SEMA6D: variants seen among roughly 807,000 people sequenced by gnomAD.
SEMA6D encodes the protein semaphorin-6D.
Under a neutral mutation model 106.6 loss-of-function variants are expected in SEMA6D, and 35 were observed. The observed-to-expected ratio is 0.33, with a 90% CI of 0.25 to 0.44. The LOEUF is 0.44. SEMA6D is among the 20% of genes least tolerant of loss of function. The pLI is 1.00. For missense variants in SEMA6D, 1,185 were observed against 1,345.9 expected, an observed-to-expected ratio of 0.88 and a Z score of 1.87; for synonymous variants, 499 against 487.7, an observed-to-expected ratio of 1.02 and a Z score of -0.31.
chr15:47,715,590 A>G (rs1384625658), upstream of SEMA6D, among the ~76,000 whole-genome samples: 1 of 152,182 alleles, frequency 6.6e-6, no homozygotes, highest in Non-Finnish European at 1.5e-5. Flanking sequence ...CTTCACTGAT[A>G]ATGTAGACTG....
chr15:47,592,918 A>G (rs975649494), intron 3 of SEMA6D, among the ~76,000 whole-genome samples: 2 of 152,208 alleles, frequency 1.3e-5, no homozygotes, highest in African/African-American at 4.8e-5. Context: ...CATAATGAAC[A>G]TAACCTTCGA....
chr15:47,353,166 G>C (rs751927425), intron 1 of SEMA6D, among the ~76,000 whole-genome samples: 1 of 151,956 alleles, frequency 6.6e-6, no homozygotes, highest in Non-Finnish European at 1.5e-5. Context: ...TACCCCAAGG[G>C]CCTCACAAAA....
intron 1 of SEMA6D, among the ~76,000 whole-genome samples, chr15:47,298,989 A>G (rs1419452980): frequency 1.3e-5 from 2 of 152,212 alleles, no homozygotes; most frequent in Admixed American, 1.3e-4. Flanking sequence ...AAAACTGAGT[A>G]TCAGTAAGAC....
At chr15:47,591,818 G>C (rs775730835) in intron 3 of SEMA6D, among the ~76,000 whole-genome samples, 19 of 152,174 alleles carry the variant, frequency 1.2e-4, no homozygotes, top group Non-Finnish European at 2.5e-4. Flanking sequence ...GGCATCTAGT[G>C]TCTCTGTGTC....
intron 1 of SEMA6D, among the ~76,000 whole-genome samples, chr15:47,198,107 T>G (rs905372737): frequency 6.6e-6 from 1 of 152,134 alleles, no homozygotes; most frequent in East Asian, 1.9e-4. Context: ...ATATACCTCA[T>G]GATCTCACTC....
chr15:47,590,620 G>A (rs999216227), intron 3 of SEMA6D, among the ~76,000 whole-genome samples: 2 of 152,046 alleles, frequency 1.3e-5, no homozygotes, highest in Non-Finnish European at 2.9e-5. Flanking sequence ...TCATAATGGA[G>A]TATGATGGGC....
At chr15:47,255,390 ACT>A (rs1288184115) in intron 1 of SEMA6D, among the ~76,000 whole-genome samples, 1 of 140,800 alleles carries the variant, frequency 7.1e-6, no homozygotes, top group Non-Finnish European at 1.6e-5. Context: ...TAAAAGAAAA[ACT>A]CTGTTTCATT....
At position 47,696,024 on chromosome 15, in the gene SEMA6D, T is replaced by G. The variant is rs943527620; in HGVS notation, c.-54-63721T>G. On this transcript the variant is annotated intron_variant, in intron 4 of 19. Transcript: ENST00000558014. ...GATGTGCATGTATGTTTATGCCGTT[T>G]AATTCTCTCCTTTATCTACTAGGAA... 3.9e-5 allele frequency among the ~76,000 whole-genome samples: 6 copies of G among 152,212 alleles called. No homozygotes were observed. The South Asian group carries it at 1.2e-3, about 32-fold the overall frequency.
chr15:47,489,432 T>A (rs2043397339), intron 3 of SEMA6D, among the ~76,000 whole-genome samples: 1 of 152,218 alleles, frequency 6.6e-6, no homozygotes, highest in Non-Finnish European at 1.5e-5. Flanking sequence ...ACTCAGATAT[T>A]TGACGAATGT....
At chr15:47,549,639 C>A (rs1596297855) in intron 3 of SEMA6D, among the ~76,000 whole-genome samples, 2 of 151,650 alleles carry the variant, frequency 1.3e-5, no homozygotes, top group South Asian at 4.2e-4. Flanking sequence ...TTTTTTTGGA[C>A]TAGGAAATAA....
intron 3 of SEMA6D, among the ~76,000 whole-genome samples, chr15:47,538,160 C>T (rs908610248): frequency 6.6e-6 from 1 of 152,110 alleles, no homozygotes; most frequent in African/African-American, 2.4e-5. Context: ...TTCTCAAAAA[C>T]TATAGTAATT....
At chr15:47,438,301 C>T (rs555273486) in intron 2 of SEMA6D, among the ~76,000 whole-genome samples, 83 of 152,190 alleles carry the variant, frequency 5.5e-4, no homozygotes, top group African/African-American at 2.0e-3. Flanking sequence ...TAATAGCCTC[C>T]TAAGTCATCG....
intron 1 of SEMA6D, chr15:47,380,606 A>C (rs1224891522): frequency 6.6e-6 from 1 of 152,238 alleles, no homozygotes. Flanking sequence ...CTGTAAATAA[A>C]ATAGCCACAT....
chr15:47,412,146 T>A (rs1241098790), intron 1 of SEMA6D, among the ~76,000 whole-genome samples: 2 of 152,044 alleles, frequency 1.3e-5, no homozygotes, highest in African/African-American at 4.8e-5. Flanking sequence ...CTTGTATTCA[T>A]GAATAGCCTG....
At chr15:47,348,174 T>G (rs2038120891) in intron 1 of SEMA6D, among the ~76,000 whole-genome samples, 1 of 152,216 alleles carries the variant, frequency 6.6e-6, no homozygotes, top group South Asian at 2.1e-4. Flanking sequence ...TTGCTCTTCC[T>G]TTACTTCATT....
chr15:47,406,778 C>CAAATAAAAAAAAAAA (rs2040583712), intron 1 of SEMA6D, among the ~76,000 whole-genome samples: 1 of 111,796 alleles, frequency 8.9e-6, no homozygotes, highest in African/African-American at 3.8e-5. Context: ...TTCTCACCAC[C>CAAATAAAAAAAAAAA]AAAAAAAAAA....
intron 1 of SEMA6D, among the ~76,000 whole-genome samples, chr15:47,258,370 T>A (rs1441264049): frequency 4.6e-5 from 7 of 152,332 alleles, no homozygotes; most frequent in Admixed American, 4.6e-4. Flanking sequence ...TGGGTATGTT[T>A]GTGAGGATGT....
intron 2 of SEMA6D, among the ~76,000 whole-genome samples, chr15:47,467,433 G>A (rs2042698698): frequency 6.6e-6 from 1 of 152,146 alleles, no homozygotes; most frequent in Admixed American, 6.5e-5. Context: ...AGGCAATGTA[G>A]AGAAGGTAGA....
chr15:47,702,345 A>T (rs1289564075), intron 4 of SEMA6D, among the ~76,000 whole-genome samples: 2 of 152,230 alleles, frequency 1.3e-5, no homozygotes, highest in African/African-American at 4.8e-5. Context: ...TAGAATGACC[A>T]AAATTCAGAA....
Sources: allele counts gnomAD v4.1 joint callset (sites outside exome capture counted in the v4.1 genomes callset), GRCh38; gene constraint gnomAD v4.1.1; transcripts MANE v1.5; gene names NCBI Gene and HGNC (gene_info 2026-07-23, HGNC 2026-07-21).